Variants in MMP28 observed in about 807,000 individuals in gnomAD.
The protein encoded by MMP28 is matrix metallopeptidase 28, also known as matrix metalloproteinase-28.
MMP28 carries 55 observed loss-of-function variants against 60.5 expected under a neutral mutation model. The ratio of observed to expected loss-of-function variants is 0.91; its 90% confidence interval spans 0.73 to 1.14. The LOEUF (loss-of-function observed/expected upper bound fraction) is 1.14, where lower values mean the gene tolerates loss of function less well. MMP28 is among the 50% of genes most tolerant of loss of function. The pLI is 0.00. For missense variants in MMP28, 686 were observed against 738.3 expected (o/e 0.93, Z 0.82); for synonymous variants, 318 against 312.5 (o/e 1.02, Z -0.18).
At chr17:35,764,145 A>C (rs587770923), downstream of MMP28, 76 of 1,549,362 alleles carry the variant, frequency 4.9e-5, no homozygotes, top group African/African-American at 8.7e-4. Context: ...ACGGAGGGCG[A>C]GGAGCCGCCG....
chr17:35,779,361 C>T (rs1555608721), intron 1 of MMP28, 38 bp from the exon 2 acceptor site: 1 of 1,554,708 alleles, frequency 6.4e-7, no homozygotes, highest in Non-Finnish European at 8.8e-7. Context: ...TCCATAGCAT[C>T]CTTTCCCCTC....
At chr17:35,768,733 C>T (rs927328009) in intron 5 of MMP28, among the ~76,000 whole-genome samples, 1 of 152,172 alleles carries the variant, frequency 6.6e-6, no homozygotes, top group Non-Finnish European at 1.5e-5. Flanking sequence ...CCGCTTGAAT[C>T]CGAGAGGTGG....
chr17:35,764,128 C>T, downstream of MMP28: 4 of 1,549,774 alleles, frequency 2.6e-6, no homozygotes, highest in Non-Finnish European at 3.5e-6. Context: ...CGCTGGAGGA[C>T]AGCGCGACGG....
downstream of MMP28, chr17:35,764,601 G>T (rs782088131): frequency 1.3e-6 from 2 of 1,586,068 alleles, no homozygotes; most frequent in African/African-American, 1.4e-5. Context: ...TAAGGCGGGG[G>T]CCGCTGGGAA....
rs779820951 is a variant in MMP28, at chr17:35,766,631, T to C, written c.1432A>G (p.Ile478Val). The change falls in exon 8 of 8, where the codon ATC becomes GTC. Residue 478 changes from isoleucine (I) to valine (V), a missense_variant. Physicochemically the swap from Ile to Val is conservative, Grantham distance 29. Transcript: ENST00000605424. The surrounding 1 kb of genome is among the most constrained non-coding windows in gnomAD (Gnocchi z 4.3). ...GALPRPDGSI[I>V]FFRDDRYWRL... ...CAGTAGCGGTCATCTCGGAAGAAGA[T>C]GATGGAGCCATCGGGCCTCGGCAGG... 4 of 1,612,498 alleles carry C rather than the reference T, an allele frequency of 2.5e-6. No individual in the cohort carries two copies. In the East Asian group the frequency reaches 6.7e-5, roughly 27 times the overall value.
chr17:35,795,519 G>A lies in MMP28; in HGVS notation c.-142C>T, dbSNP rs771700960. On this transcript the variant is annotated 5_prime_UTR_variant, in exon 1 of 8. Coordinates refer to ENST00000605424, the MANE Select transcript of MMP28 (RefSeq NM_024302.5). Reference sequence around the variant, plus strand: ...GAGGGACTGTCCCGGGGTTTCGCCAGTGCCCTAGCTGCGCGCTCTGGGCCG... The same window carrying A: ...GAGGGACTGTCCCGGGGTTTCGCCAATGCCCTAGCTGCGCGCTCTGGGCCG... The A allele has an allele frequency of 4.4e-5, 23 of 519,050 alleles. No individual in the cohort carries two copies. The highest frequency in any genetic ancestry group is 6.7e-5 in the Non-Finnish European group (22 of 327,388). The allele number at this position is 519,050 out of a possible 1,614,324, so 32.2% of individuals were successfully genotyped here. A position where few individuals can be genotyped will look rare whatever the true frequency, so the allele number is the denominator to read the frequency against.
chr17:35,764,379 G>A, downstream of MMP28: 4 of 1,462,456 alleles, frequency 2.7e-6, no homozygotes, highest in Non-Finnish European at 3.6e-6. Flanking sequence ...CGGGCCCCAG[G>A]GAGGAGGGGC....
At chr17:35,765,316 C>G (rs890680558), downstream of MMP28, among the ~76,000 whole-genome samples, 8 of 152,220 alleles carry the variant, frequency 5.3e-5, no homozygotes, top group Non-Finnish European at 1.0e-4. Context: ...CTCGCCTGCC[C>G]TAGACGCCCT....
Position 35,795,480 on chromosome 17 carries a change from C to T in MMP28, c.-103G>A. The T allele has an allele frequency of 1.3e-6, 1 of 767,416 alleles. No individual in the cohort carries two copies. Among genetic ancestry groups the T allele is most frequent in the Non-Finnish European group, 1.9e-6 (1 of 536,128 alleles). 47.5% of individuals were successfully genotyped at this position (767,416 alleles called of 1,614,324 possible). Reference sequence around the variant, plus strand: ...CCCCGGGGATGGGACTGCTCTGCGCCGCCCCCGCACGGAGAGGGACTGTCC... The same window carrying T: ...CCCCGGGGATGGGACTGCTCTGCGCTGCCCCCGCACGGAGAGGGACTGTCC... On this transcript the variant is annotated 5_prime_UTR_variant, in exon 1 of 8. Coordinates refer to ENST00000605424, the MANE Select transcript of MMP28 (RefSeq NM_024302.5).
chr17:35,771,696 A>AATATATATAT (rs71366482), intron 4 of MMP28, among the ~76,000 whole-genome samples: 2 of 50,608 alleles, frequency 4.0e-5, no homozygotes, highest in Non-Finnish European at 7.7e-5. Flanking sequence ...TATAGAAGTG[A>AATATATATAT]ATATATATAT....
intron 4 of MMP28, among the ~76,000 whole-genome samples, chr17:35,771,071 C>A (rs748094902): frequency 4.1e-4 from 61 of 150,132 alleles, no homozygotes; most frequent in African/African-American, 1.4e-3. Context: ...ACAACAACAA[C>A]CACGAAACAA....
chr17:35,793,700 G>A (rs984935262), intron 1 of MMP28, among the ~76,000 whole-genome samples: 1 of 152,166 alleles, frequency 6.6e-6, no homozygotes, highest in Non-Finnish European at 1.5e-5. Flanking sequence ...AGGGGAGTAG[G>A]GAGGATACTG....
chr17:35,778,781 G>A, intron 3 of MMP28, 107 bp downstream of exon 3: 3 of 1,598,514 alleles, frequency 1.9e-6, no homozygotes, highest in South Asian at 1.1e-5. Context: ...GTGCCCTAGG[G>A]AAGAGAGGTT....
chr17:35,770,714 A>ATGTG (rs56074641), intron 4 of MMP28, among the ~76,000 whole-genome samples: 21,128 of 147,512 alleles, frequency 0.14, 1,544 homozygotes, highest in East Asian at 0.29. Context: ...TGAATAATAA[A>ATGTG]TGTGTGTGTG....
At chr17:35,760,791 C>A in intron 2 of MMP28, 1 of 862,190 alleles carries the variant, frequency 1.2e-6, no homozygotes, top group Non-Finnish European at 1.9e-6. Context: ...GAAATTATTC[C>A]TGGGCAGAGC....
downstream of MMP28, chr17:35,763,896 C>CT (rs1568121223): frequency 5.0e-5 from 24 of 475,386 alleles, no homozygotes; most frequent in East Asian, 2.5e-4. Flanking sequence ...GACCCTGTCT[C>CT]AAAATAAATA....
chr17:35,768,639 G>GTAAT (rs2086021264), intron 5 of MMP28, among the ~76,000 whole-genome samples: 1 of 152,062 alleles, frequency 6.6e-6, no homozygotes, highest in Non-Finnish European at 1.5e-5. Context: ...GTGAAACCCT[G>GTAAT]TCTGTACTAA....
chr17:35,776,989 C>G (rs541486801), intron 3 of MMP28, among the ~76,000 whole-genome samples: 5 of 152,298 alleles, frequency 3.3e-5, no homozygotes, highest in African/African-American at 1.2e-4. Flanking sequence ...TGAGATACAG[C>G]CAGAAGGAAG....
downstream of MMP28, chr17:35,764,484 C>T (rs782075768): frequency 1.9e-6 from 3 of 1,572,920 alleles, no homozygotes; most frequent in Non-Finnish European, 2.6e-6. Context: ...ACCGCCGCGC[C>T]GCGGGGGCTG....
Sources: allele counts gnomAD v4.1 joint callset (sites outside exome capture counted in the v4.1 genomes callset), GRCh38; gene constraint gnomAD v4.1.1; non-coding constraint Gnocchi (gnomAD v3.1); transcripts MANE v1.5; gene names NCBI Gene and HGNC (gene_info 2026-07-23, HGNC 2026-07-21).